UCK2: variants seen among roughly 807,000 people sequenced by gnomAD.
UCK2 encodes the protein cytidine monophosphokinase 2.
In UCK2, 6 loss-of-function variants were observed where a neutral mutation model predicts 30.8. That is an observed-to-expected ratio of 0.19 (90% CI 0.11 to 0.38). The LOEUF (loss-of-function observed/expected upper bound fraction) is 0.38, where lower values mean the gene tolerates loss of function less well. Ranked by LOEUF, UCK2 falls within the 10% of genes least tolerant of loss-of-function variation. The probability of loss-of-function intolerance (pLI) is 1.00; values close to 1 mark genes in which losing one functional copy is unlikely to be tolerated. For missense variants in UCK2, 210 were observed against 339.8 expected (o/e 0.62, Z 3.00); for synonymous variants, 125 against 133.6 (o/e 0.94, Z 0.45).
rs1366606606 is a variant in UCK2 at position 165,877,539 on chromosome 1, G to A, written c.100-12665G>A. ...ATACTGTATGTAACCTTTTGGAATT[G>A]CCCTTTTTTACTCAGCACAATTCTC... On this transcript the variant is annotated intron_variant, in intron 1 of 6. Coordinates refer to ENST00000367879, the MANE Select transcript of UCK2 (RefSeq NM_012474.5). 2.0e-5 allele frequency among the ~76,000 whole-genome samples: 3 copies of A among 152,158 alleles called. No individual in the cohort carries two copies. The East Asian group carries it at 5.8e-4, about 29-fold the overall frequency.
intron 1 of UCK2, among the ~76,000 whole-genome samples, chr1:165,864,015 T>C (rs536859386): frequency 6.6e-6 from 1 of 152,340 alleles, no homozygotes; most frequent in South Asian, 2.1e-4. Flanking sequence ...CTCTGCCATC[T>C]TGGCTCACTG....
chr1:165,892,226 C>G (rs1208524585), intron 3 of UCK2: 1 of 150,442 alleles, frequency 6.6e-6, no homozygotes, highest in Non-Finnish European at 1.5e-5. Context: ...ATCCTCACGC[C>G]TCCCGTGTCA....
At chr1:165,861,649 AC>A (rs568601200) in intron 1 of UCK2, among the ~76,000 whole-genome samples, 68,218 of 102,714 alleles carry the variant, frequency 0.66, 25,182 homozygotes, top group African/African-American at 0.77. Flanking sequence ...AAAAAAAAAA[AC>A]AAAAAAAAAC....
chr1:165,830,916 T>G (rs903037550), intron 1 of UCK2, among the ~76,000 whole-genome samples: 1 of 151,830 alleles, frequency 6.6e-6, no homozygotes, highest in Admixed American at 6.6e-5. Context: ...TGACCTATGT[T>G]TAAAACCAGA....
intron 1 of UCK2, among the ~76,000 whole-genome samples, chr1:165,860,433 A>ATTCTTTTTT (rs2101864314): frequency 6.6e-6 from 1 of 152,038 alleles, no homozygotes; most frequent in East Asian, 1.9e-4. Context: ...TGCAGAGTGA[A>ATTCTTTTTT]TTCTTTTTTT....
chr1:165,831,115 A>G lies in UCK2; in HGVS notation c.99+3183A>G, dbSNP rs912173520. Among the ~76,000 whole-genome samples, 63 of 152,064 alleles carry G rather than the reference A, an allele frequency of 4.1e-4. 1 individual carries two copies. The highest frequency in any genetic ancestry group is 4.0e-3 in the Admixed American group (61 of 15,276). On this transcript the variant is annotated intron_variant, in intron 1 of 6. Coordinates refer to ENST00000367879, the MANE Select transcript of UCK2 (RefSeq NM_012474.5). ...AGAGCAAGACCTGTCTCGAACAAAAACCAAAAAAGGTTATGGCTGAGTACG... is the reference window on the plus strand; with the variant it reads ...AGAGCAAGACCTGTCTCGAACAAAAGCCAAAAAAGGTTATGGCTGAGTACG...
intron 1 of UCK2, among the ~76,000 whole-genome samples, chr1:165,844,825 A>G (rs1004544812): frequency 6.6e-6 from 1 of 152,186 alleles, no homozygotes; most frequent in African/African-American, 2.4e-5. Context: ...GGGTTCCTGG[A>G]GGGTGACTGC....
At chr1:165,868,399 G>A (rs1165186479) in intron 1 of UCK2, among the ~76,000 whole-genome samples, 1 of 152,206 alleles carries the variant, frequency 6.6e-6, no homozygotes, top group Non-Finnish European at 1.5e-5. Flanking sequence ...AGCTGCGAAA[G>A]TCTTAGATGG....
At chr1:165,854,219 C>T (rs1006337028) in intron 1 of UCK2, among the ~76,000 whole-genome samples, 6 of 152,306 alleles carry the variant, frequency 3.9e-5, no homozygotes, top group African/African-American at 1.4e-4. Context: ...AGGCTGAGAA[C>T]GTCTGTGTGA....
chr1:165,865,961 A>G (rs1450892192), intron 1 of UCK2, among the ~76,000 whole-genome samples: 1 of 152,192 alleles, frequency 6.6e-6, no homozygotes. Flanking sequence ...TTCCCAAACC[A>G]GTTATTTGTT....
intron 1 of UCK2, among the ~76,000 whole-genome samples, chr1:165,829,451 C>G (rs902458360): frequency 2.0e-5 from 3 of 152,188 alleles, no homozygotes; most frequent in Non-Finnish European, 4.4e-5. Context: ...TCCCAGCCCT[C>G]CTAGCACAAT....
Position 165,827,808 on chromosome 1 carries a change from C to T in UCK2, c.-26C>T. ...GGGAGCGTGCGTCCGTTCGCACAGG[C>T]AGCGGGAGGAGGGGCGGCGCGAACC... On this transcript the variant is annotated 5_prime_UTR_variant, in exon 1 of 7. Coordinates refer to ENST00000367879, the MANE Select transcript of UCK2 (RefSeq NM_012474.5). The T allele has an allele frequency of 1.4e-6, 2 of 1,392,514 alleles. No homozygotes were observed. Among genetic ancestry groups the T allele is most frequent in the South Asian group, 1.7e-5 (1 of 58,702 alleles). 86.3% of individuals were successfully genotyped at this position (1,392,514 alleles called of 1,614,324 possible).
intron 1 of UCK2, among the ~76,000 whole-genome samples, chr1:165,849,356 T>C (rs1426557159): frequency 6.6e-6 from 1 of 152,202 alleles, no homozygotes; most frequent in African/African-American, 2.4e-5. Context: ...ATTGTCTCTA[T>C]GTAGTGCTTG....
chr1:165,849,283 C>CT (rs1291092844), intron 1 of UCK2, among the ~76,000 whole-genome samples: 12 of 152,076 alleles, frequency 7.9e-5, no homozygotes, highest in Non-Finnish European at 1.6e-4. Context: ...TACCAATGAA[C>CT]TAGGTGGAGG....
At chr1:165,896,387 A>C in intron 4 of UCK2, 55 bp downstream of exon 4, 1 of 1,604,038 alleles carries the variant, frequency 6.2e-7, no homozygotes, top group Non-Finnish European at 8.5e-7. Flanking sequence ...AGGGCGGGGG[A>C]GCTGGGAGCC....
intron 1 of UCK2, among the ~76,000 whole-genome samples, chr1:165,860,409 G>GT (rs1236639224): frequency 4.6e-5 from 7 of 152,218 alleles, no homozygotes; most frequent in African/African-American, 1.7e-4. Flanking sequence ...CCCTGCAGTT[G>GT]TGCATGATGT....
At position 165,836,982 on chromosome 1, in the gene UCK2, G is replaced by A. The variant is rs571929551; in HGVS notation, c.99+9050G>A. The stretch of plus-strand genomic sequence containing the variant: ...GCAGGAGGAGAGGAGGGGGAGGGAA[G>A]TGCCTGTCCTCGTGCACAAAAGTTT... On this transcript the variant is annotated intron_variant, in intron 1 of 6. Transcript: ENST00000367879. 2.0e-4 allele frequency among the ~76,000 whole-genome samples: 30 copies of A among 152,282 alleles called. No homozygotes were observed. In the South Asian group the frequency reaches 6.2e-3, roughly 32 times the overall value.
intron 1 of UCK2, among the ~76,000 whole-genome samples, chr1:165,862,101 C>T (rs1654923453): frequency 6.6e-6 from 1 of 152,150 alleles, no homozygotes; most frequent in Non-Finnish European, 1.5e-5. Context: ...ATCATCCTTG[C>T]TAAATACTTG....
At chr1:165,895,795 T>C (rs1655882654) in intron 3 of UCK2, 1 of 348,458 alleles carries the variant, frequency 2.9e-6, no homozygotes, top group Non-Finnish European at 4.1e-6. Context: ...AAGTTCAGAG[T>C]GTTAGGTTCC....
Sources: gnomAD v4.1 joint callset for allele counts (sites outside exome capture counted in the v4.1 genomes callset) on GRCh38, gnomAD v4.1.1 for gene constraint, MANE v1.5 for transcripts, NCBI Gene and HGNC (gene_info 2026-07-23, HGNC 2026-07-21) for gene names.